PCDHGA6: variants seen among roughly 807,000 people sequenced by gnomAD.
The protein encoded by PCDHGA6 is protocadherin gamma-A6.
A neutral mutation model predicts 60.6 loss-of-function variants in PCDHGA6; 41 were observed. That is an observed-to-expected ratio of 0.68 (90% CI 0.53 to 0.88). The LOEUF (loss-of-function observed/expected upper bound fraction) is 0.88. PCDHGA6 is among the 40% of genes least tolerant of loss of function. PCDHGA6 has a pLI of 0.00. For synonymous variants in PCDHGA6, 594 were observed against 524.4 expected (o/e 1.13, Z -1.81); for missense variants, 1,312 against 1,203.0 (o/e 1.09, Z -1.34).
At chr5:141,393,669 G>A in intron 1 of PCDHGA6, 1 of 1,613,886 alleles carries the variant, frequency 6.2e-7, no homozygotes, top group Non-Finnish European at 8.5e-7. Flanking sequence ...GAAAATTAAT[G>A]AAAAACAAAC....
intron 1 of PCDHGA6, chr5:141,408,572 G>A (rs745760240): frequency 4.3e-6 from 7 of 1,614,048 alleles, no homozygotes; most frequent in East Asian, 2.2e-5. Flanking sequence ...TGTGGTGATT[G>A]AGGATGTTAA....
chr5:141,457,118 A>G (rs1427146922), intron 1 of PCDHGA6, among the ~76,000 whole-genome samples: 3 of 152,228 alleles, frequency 2.0e-5, no homozygotes, highest in Non-Finnish European at 4.4e-5. Context: ...TACGACAGCA[A>G]TGGAAACTCT....
intron 1 of PCDHGA6, chr5:141,384,443 A>T: frequency 6.2e-7 from 1 of 1,614,030 alleles, no homozygotes; most frequent in Non-Finnish European, 8.5e-7. Context: ...GGAGTCCTGT[A>T]CGCGCTGCAA....
intron 1 of PCDHGA6, chr5:141,385,119 T>C: frequency 1.2e-6 from 2 of 1,614,212 alleles, no homozygotes; most frequent in South Asian, 2.2e-5. Flanking sequence ...CCTCGCACTT[T>C]GTGGGCATGG....
In PCDHGA6 at chr5:141,408,826, T is replaced by C. The variant is rs138252575; in HGVS notation, c.2424+32319T>C. ...TAGACCGGGAAGAACAGAGATCTCA[T>C]AGCTTGATATTGACTGCCTTGGACG... On this transcript the variant is annotated intron_variant, in intron 1 of 3. Coordinates refer to ENST00000517434, the MANE Select transcript of PCDHGA6 (RefSeq NM_018919.3). The C allele has an allele frequency of 6.1e-5, 98 of 1,613,582 alleles. No homozygotes were observed. The African/African-American group carries it at 9.9e-4, about 16-fold the overall frequency.
chr5:141,423,288 C>T, intron 1 of PCDHGA6: 1 of 1,586,414 alleles, frequency 6.3e-7, no homozygotes, highest in African/African-American at 1.3e-5. Context: ...ACTCTGAAAC[C>T]TCAGACCTCT....
chr5:141,465,049 T>G (rs546927594), intron 1 of PCDHGA6, among the ~76,000 whole-genome samples: 1 of 152,016 alleles, frequency 6.6e-6, no homozygotes, highest in Non-Finnish European at 1.5e-5. Flanking sequence ...ACCCTATATA[T>G]TTTTTTGAAT....
intron 1 of PCDHGA6, among the ~76,000 whole-genome samples, chr5:141,472,264 G>A (rs925973401): frequency 1.3e-4 from 20 of 152,068 alleles, no homozygotes; most frequent in African/African-American, 3.6e-4. Context: ...TATTATAGCC[G>A]GGCACAGTGG....
chr5:141,446,623 TGC>T (rs1310809206), intron 1 of PCDHGA6, among the ~76,000 whole-genome samples: 1 of 152,014 alleles, frequency 6.6e-6, no homozygotes, highest in African/African-American at 2.4e-5. Flanking sequence ...ACTACAGGCG[TGC>T]ACCACCACGC....
chr5:141,398,691 T>C, intron 1 of PCDHGA6: 1 of 1,613,876 alleles, frequency 6.2e-7, no homozygotes, highest in Non-Finnish European at 8.5e-7. Flanking sequence ...AACAGGATGG[T>C]AGTAAATACC....
At chr5:141,396,729 T>C (rs1197764011) in intron 1 of PCDHGA6, 1 of 152,214 alleles carries the variant, frequency 6.6e-6, no homozygotes, top group Non-Finnish European at 1.5e-5. Flanking sequence ...CCTGAATTGA[T>C]TGTTGTAAGG....
Position 141,505,441 on chromosome 5 carries a change from C to A in PCDHGA6, c.2532C>A (p.Asp844Glu), listed in dbSNP as rs2099846055. 6.2e-7 allele frequency: 1 copy of A among 1,614,084 alleles called. No individual in the cohort carries two copies. Among genetic ancestry groups the A allele is most frequent in the Non-Finnish European group, 8.5e-7 (1 of 1,180,024 alleles). Reference sequence around the variant, plus strand: ...GCACCTGGCCCAACAACCAGTTTGACACAGAGATGCTGCAAGCCATGATCT... The same window carrying A: ...GCACCTGGCCCAACAACCAGTTTGAAACAGAGATGCTGCAAGCCATGATCT... ...DTGTWPNNQFDTEMLQAMILA... is the reference protein window; with the variant it reads ...DTGTWPNNQFETEMLQAMILA... Residue 844 changes from aspartate to glutamate, a missense_variant, in exon 3 of 4, where the codon GAC becomes GAA. Transcript: ENST00000517434.
At chr5:141,443,872 A>G (rs1446612063) in intron 1 of PCDHGA6, among the ~76,000 whole-genome samples, 1 of 152,212 alleles carries the variant, frequency 6.6e-6, no homozygotes, top group South Asian at 2.1e-4. Context: ...AAAATTACTG[A>G]TAAGTCAAGA....
chr5:141,408,316 G>T (rs1407149479), intron 1 of PCDHGA6: 2 of 1,613,750 alleles, frequency 1.2e-6, no homozygotes, highest in African/African-American at 1.3e-5. Flanking sequence ...ACTCGATTCC[G>T]GAGGAGCTGG....
In PCDHGA6 at chr5:141,477,191, A is replaced by G; in HGVS notation, c.2425-17616A>G. ...GGAGATCACAGTCACCTCCGTGTACAGCCCAGTACCCGAGGATGCCCCTCT... is the reference window on the plus strand; with the variant it reads ...GGAGATCACAGTCACCTCCGTGTACGGCCCAGTACCCGAGGATGCCCCTCT... On this transcript the variant is annotated intron_variant, in intron 1 of 3. Transcript: ENST00000517434. This position sits in a 1 kb window ranked among gnomAD's most constrained non-coding sequence, Gnocchi z 4.9. 5.0e-6 allele frequency: 8 copies of G among 1,614,210 alleles called. No homozygotes were observed. The highest frequency in any genetic ancestry group is 6.8e-6 in the Non-Finnish European group (8 of 1,180,044).
chr5:141,444,897 G>T (rs1445334623), intron 1 of PCDHGA6, among the ~76,000 whole-genome samples: 1 of 152,274 alleles, frequency 6.6e-6, no homozygotes, highest in African/African-American at 2.4e-5. Flanking sequence ...GAATGGGATG[G>T]CATTGCATCT....
intron 1 of PCDHGA6, chr5:141,388,306 A>G (rs1315280677): frequency 6.2e-7 from 1 of 1,613,826 alleles, no homozygotes; most frequent in South Asian, 1.1e-5. Flanking sequence ...TTTGAGCTGC[A>G]AATAAGTGAG....
rs780310968 is a variant in PCDHGA6 at position 141,414,168 on chromosome 5, T to G, written c.2424+37661T>G. The G allele has an allele frequency of 5.6e-6, 9 of 1,605,598 alleles. No individual in the cohort carries two copies. The African/African-American group carries it at 1.2e-4, about 21-fold the overall frequency. ...TACAAGCAGAAGATGGAGGAGCATA[T>G]CTTGCAACTGCAAAAGTGTTGATTA... On this transcript the variant is annotated intron_variant, in intron 1 of 3. Coordinates refer to ENST00000517434, the MANE Select transcript of PCDHGA6 (RefSeq NM_018919.3).
intron 1 of PCDHGA6, chr5:141,392,581 C>T: frequency 2.2e-6 from 1 of 463,442 alleles, no homozygotes; most frequent in Non-Finnish European, 3.8e-6. Context: ...GGACTGTAAG[C>T]GCCGCTGTTC....
Sources: gnomAD v4.1 joint callset for allele counts (sites outside exome capture counted in the v4.1 genomes callset) on GRCh38, gnomAD v4.1.1 for gene constraint, Gnocchi (gnomAD v3.1) non-coding constraint, MANE v1.5 for transcripts, NCBI Gene and HGNC (gene_info 2026-07-23, HGNC 2026-07-21) for gene names.